MMUT: variants seen among roughly 807,000 people sequenced by gnomAD.
The protein encoded by MMUT is methylmalonyl-CoA mutase, also known as methylmalonyl-CoA mutase, mitochondrial.
Under a neutral mutation model 79.9 loss-of-function variants are expected in MMUT, and 79 were observed. That is an observed-to-expected ratio of 0.99 (90% CI 0.82 to 1.19). MMUT has a LOEUF of 1.19. Among genes scored for constraint, MMUT ranks in the 50% most tolerant of loss-of-function variants. The pLI is 0.00. For missense variants in MMUT, 860 were observed against 917.2 expected, an observed-to-expected ratio of 0.94 and a Z score of 0.81; for synonymous variants, 273 against 295.7, an observed-to-expected ratio of 0.92 and a Z score of 0.79.
chr6:49,451,317 CA>C, intron 6 of MMUT, 148 bp downstream of exon 6: 1 of 895,160 alleles, frequency 1.1e-6, no homozygotes. Context: ...ATTTTTTTTG[CA>C]AACATCGTTT....
At chr6:49,450,242 A>C (rs570866250) in intron 6 of MMUT, among the ~76,000 whole-genome samples, 2 of 151,742 alleles carry the variant, frequency 1.3e-5, no homozygotes, top group Non-Finnish European at 2.9e-5. Context: ...AAAAAAAAAA[A>C]AAAAAGATAA....
chr6:49,446,423 GA>G (rs1327628525), intron 8 of MMUT, among the ~76,000 whole-genome samples: 1 of 151,830 alleles, frequency 6.6e-6, no homozygotes, highest in African/African-American at 2.4e-5. Context: ...ATGGTCCTAA[GA>G]AAGTTCAAAA....
chr6:49,448,458 G>T (rs1767464873), intron 7 of MMUT, among the ~76,000 whole-genome samples: 1 of 152,024 alleles, frequency 6.6e-6, no homozygotes, highest in African/African-American at 2.4e-5. Context: ...CCCAGACATA[G>T]CAAGTGCCTC....
rs775101428 is a variant in MMUT at position 49,453,766 on chromosome 6, T to G, written c.912-10A>C. ...CCAGAAGAAAGACAACCTAAAATAG[T>G]AACGTTAGGTCCAGAATTTAATTAA... On this transcript the variant is annotated splice_polypyrimidine_tract_variant and intron_variant, in intron 4 of 12. Coordinates refer to ENST00000274813, the MANE Select transcript of MMUT (RefSeq NM_000255.4). 6.2e-7 allele frequency: 1 copy of G among 1,603,528 alleles called. No homozygotes were observed. The highest frequency in any genetic ancestry group is 8.5e-7 in the Non-Finnish European group (1 of 1,170,986).
In MMUT at chr6:49,452,355, C is replaced by T. The variant is rs187777508; in HGVS notation, c.1084-641G>A. 5.8e-3 allele frequency among the ~76,000 whole-genome samples: 875 copies of T among 152,040 alleles called. 5 individuals are homozygous for T. Among genetic ancestry groups the T allele is most frequent in the African/African-American group, 0.019 (771 of 41,484 alleles). On this transcript the variant is annotated intron_variant, in intron 5 of 12. Transcript: ENST00000274813. ...TTTTATTTATTTATTTATTTTGAGACGGAGTCTCGCTCTGTTGCCCAGGCT... is the reference window on the plus strand; with the variant it reads ...TTTTATTTATTTATTTATTTTGAGATGGAGTCTCGCTCTGTTGCCCAGGCT...
At chr6:49,460,505 A>G (rs1767814963) in intron 1 of MMUT, among the ~76,000 whole-genome samples, 1 of 152,194 alleles carries the variant, frequency 6.6e-6, no homozygotes, top group South Asian at 2.1e-4. Flanking sequence ...AGACTTTTAT[A>G]CTAGGTTGCT....
At position 49,453,759 on chromosome 6, in the gene MMUT, A is replaced by G; in HGVS notation, c.912-3T>C. 2 of 1,610,646 alleles carry G rather than the reference A, an allele frequency of 1.2e-6. No individual in the cohort carries two copies. Among genetic ancestry groups the G allele is most frequent in the Non-Finnish European group, 1.7e-6 (2 of 1,177,354 alleles). On this transcript the variant is annotated splice_region_variant and splice_polypyrimidine_tract_variant and intron_variant, in intron 4 of 12. Coordinates refer to ENST00000274813, the MANE Select transcript of MMUT (RefSeq NM_000255.4). ...CAATTCCCCAGAAGAAAGACAACCT[A>G]AAATAGTAACGTTAGGTCCAGAATT...
At chr6:49,457,654 G>C in intron 3 of MMUT, 37 bp downstream of exon 3, 1 of 1,560,334 alleles carries the variant, frequency 6.4e-7, no homozygotes, top group Non-Finnish European at 8.7e-7. Context: ...TACATTCAAG[G>C]AACTATAGAA....
chr6:49,458,295 G>C (rs190274958), intron 2 of MMUT, among the ~76,000 whole-genome samples: 42 of 152,090 alleles, frequency 2.8e-4, no homozygotes, highest in South Asian at 8.3e-4. Flanking sequence ...CTCACTAAAG[G>C]AAAGAATGGG....
chr6:49,431,894 T>C, intron 12 of MMUT, 38 bp from the exon 13 acceptor site: 1 of 1,602,488 alleles, frequency 6.2e-7, no homozygotes, highest in Non-Finnish European at 8.5e-7. Flanking sequence ...AGAGCCACTA[T>C]TTCCATTTTC....
Position 49,459,507 on chromosome 6 carries a change from T to C in MMUT, c.-39-2A>G, listed in dbSNP as rs1767786464. ...CACCCAATAGAAATAAGAACTGACC[T>C]AGAAAAAGAAACATAGAGTAAAAAC... is the stretch of plus-strand genomic sequence containing the variant. On this transcript the variant is annotated splice_acceptor_variant, in intron 1 of 12. Coordinates refer to ENST00000274813, the MANE Select transcript of MMUT (RefSeq NM_000255.4). LOFTEE classifies it low-confidence loss of function (5UTR_SPLICE). 5 of 1,597,288 alleles carry C rather than the reference T, an allele frequency of 3.1e-6. No individual in the cohort carries two copies. Among genetic ancestry groups the C allele is most frequent in the Non-Finnish European group, 4.2e-6 (5 of 1,177,592 alleles).
rs1420176040 is a variant in MMUT, at chr6:49,463,192, C to T, written c.-129G>A. The stretch of plus-strand genomic sequence containing the variant: ...CCTGTCAGACATCCACACAGCCAGG[C>T]CTCCCCGCCCTCACCAAGCCCACAC... On this transcript the variant is annotated 5_prime_UTR_variant, in exon 1 of 13. Transcript: ENST00000274813. 2.0e-5 allele frequency: 3 copies of T among 152,398 alleles called. No homozygotes were observed. Among genetic ancestry groups the T allele is most frequent in the African/African-American group, 7.2e-5 (3 of 41,436 alleles). 9.4% of individuals were successfully genotyped at this position (152,398 alleles called of 1,614,324 possible).
chr6:49,449,953 C>A (rs371272207), intron 6 of MMUT, among the ~76,000 whole-genome samples: 3 of 151,976 alleles, frequency 2.0e-5, no homozygotes, highest in Non-Finnish European at 4.4e-5. Context: ...TAAGAGCAGG[C>A]AGGGAGCAGT....
In MMUT at chr6:49,456,080, C is replaced by T. The variant is rs778221358; in HGVS notation, c.911G>A (p.Arg304Lys). 6.2e-7 allele frequency: 1 copy of T among 1,611,472 alleles called. No homozygotes were observed. Among genetic ancestry groups the T allele is most frequent in the South Asian group, 1.1e-5 (1 of 90,988 alleles). ...CAATATCTAGGTTTAATTTACTCACCTTGGTGCAAATTCATCAATTGTCAG... is the reference window on the plus strand; with the variant it reads ...CAATATCTAGGTTTAATTTACTCACTTTGGTGCAAATTCATCAATTGTCAG... ...AGLTIDEFAP[R>K]LSFFWGIGMN... The change falls in exon 4 of 13, where the codon AGG (arginine) becomes AAG (lysine). Residue 304 changes from arginine to lysine, a missense_variant and splice_region_variant. By Grantham distance (26) the Arg-to-Lys change is conservative. Transcript: ENST00000274813.
chr6:49,456,027 T>C (rs1767677692), intron 4 of MMUT, 53 bp downstream of exon 4: 1 of 1,387,586 alleles, frequency 7.2e-7, no homozygotes. Context: ...ATATATAAAA[T>C]GGTCCTATGC....
rs1234541175 is a variant in MMUT at position 49,456,184 on chromosome 6, T to G, written c.807A>C (p.Ala269=). ...ISISGYHMQE[A]GADAILELAY... is the part of the protein sequence containing the mutation. The stretch of plus-strand genomic sequence containing the variant: ...CCAGCTCCAGAATGGCATCAGCCCC[T>G]GCTTCCTGCATATGGTATCCACTAA... Residue 269 remains alanine, a synonymous_variant, in exon 4 of 13, where the codon GCA becomes GCC. Transcript: ENST00000274813. 6.2e-7 allele frequency: 1 copy of G among 1,612,246 alleles called. No individual in the cohort carries two copies. Among genetic ancestry groups the G allele is most frequent in the East Asian group, 2.2e-5 (1 of 44,854 alleles).
At chr6:49,436,425 G>A (rs1305922022) in intron 11 of MMUT, among the ~76,000 whole-genome samples, 1 of 151,878 alleles carries the variant, frequency 6.6e-6, no homozygotes, top group East Asian at 1.9e-4. Flanking sequence ...GGCCAACATG[G>A]TGAAACCCAT....
At chr6:49,435,684 C>T in intron 11 of MMUT, 61 bp from the exon 12 acceptor site, 1 of 1,537,838 alleles carries the variant, frequency 6.5e-7, no homozygotes, top group Non-Finnish European at 8.9e-7. Context: ...CTATAAAAAC[C>T]CTGGAAGACA....
rs1159217865 is a variant in MMUT, at chr6:49,459,293, G to A, written c.174C>T (p.Asp58=). Residue 58 remains aspartate (D), a synonymous_variant, in exon 2 of 13, where the codon GAC becomes GAT. Coordinates refer to ENST00000274813, the MANE Select transcript of MMUT (RefSeq NM_000255.4). ...TCCCTTCCGGGGTGTGCCATATTAG[G>A]TCTTCTGGGTTTTTGCCTTTCAGCT... The part of the protein sequence containing the change: ...KKQLKGKNPE[D]LIWHTPEGIS... 1.2e-6 allele frequency: 2 copies of A among 1,614,156 alleles called. No individual in the cohort carries two copies. Among genetic ancestry groups the A allele is most frequent in the East Asian group, 2.2e-5 (1 of 44,868 alleles).
Sources: allele counts gnomAD v4.1 joint callset (sites outside exome capture counted in the v4.1 genomes callset), GRCh38; gene constraint gnomAD v4.1.1; transcripts MANE v1.5; gene names NCBI Gene and HGNC (gene_info 2026-07-23, HGNC 2026-07-21).